RRP12: variants seen among roughly 807,000 people sequenced by gnomAD.
The protein encoded by RRP12 is ribosomal RNA processing 12 homolog.
In RRP12, 78 loss-of-function variants were observed where a neutral mutation model predicts 157.3. That is an observed-to-expected ratio of 0.50 (90% CI 0.41 to 0.60). RRP12 has a LOEUF of 0.60. RRP12 is among the 20% of genes least tolerant of loss of function. The pLI, the probability that RRP12 is intolerant of heterozygous loss-of-function variation, is 0.00. For missense variants in RRP12, 1,521 were observed against 1,679.9 expected, an observed-to-expected ratio of 0.91 and a Z score of 1.65; for synonymous variants, 726 against 670.9, an observed-to-expected ratio of 1.08 and a Z score of -1.27.
chr10:97,391,003 G>A (rs1473708692), intron 4 of RRP12, among the ~76,000 whole-genome samples, 159 bp from the exon 5 acceptor site: 1 of 152,140 alleles, frequency 6.6e-6, no homozygotes, highest in African/African-American at 2.4e-5. Context: ...TTATCAGCCA[G>A]CTCAGTGTGC....
intron 31 of RRP12, 98 bp downstream of exon 31, chr10:97,360,448 T>G: frequency 1.0e-6 from 1 of 952,404 alleles, no homozygotes; most frequent in Non-Finnish European, 1.7e-6. Flanking sequence ...AACCAGGCTG[T>G]GCACCCTCAT....
chr10:97,401,151 G>C lies in RRP12; in HGVS notation c.81C>G (p.Asn27Lys). ...RWKKGHSSDS[N>K]PAICRHRQAA... ...CCTGACGGTGGCGGCAGATGGCGGG[G>C]TTGCTGTCGCTGCTGTGGCCTTTCT... The change falls in exon 1 of 34, where the codon AAC becomes AAG. Residue 27 changes from asparagine to lysine, a missense_variant. Physicochemically the swap from Asn to Lys is moderately conservative, Grantham distance 94. Transcript: ENST00000370992. 1.9e-6 allele frequency: 3 copies of C among 1,614,134 alleles called. No individual in the cohort carries two copies. The highest frequency in any genetic ancestry group is 2.5e-6 in the Non-Finnish European group (3 of 1,180,024).
chr10:97,390,641 C>T (rs1844777433), intron 5 of RRP12, 98 bp downstream of exon 5: 11 of 1,335,156 alleles, frequency 8.2e-6, no homozygotes, highest in Non-Finnish European at 1.1e-5. Context: ...TCTGAGGTCC[C>T]CAGGGTGCCT....
intron 33 of RRP12, 146 bp from the exon 34 acceptor site, chr10:97,357,342 A>C: frequency 1.8e-6 from 1 of 561,126 alleles, no homozygotes; most frequent in Non-Finnish European, 3.2e-6. Context: ...GGCAGACCTC[A>C]CGTGGTTCCA....
chr10:97,364,494 G>A (rs1006406363), intron 29 of RRP12, among the ~76,000 whole-genome samples: 3 of 152,200 alleles, frequency 2.0e-5, no homozygotes, highest in African/African-American at 4.8e-5. Context: ...CGAGGAGGGA[G>A]GATCACCTGA....
chr10:97,395,899 G>T (rs2133099491), intron 3 of RRP12, among the ~76,000 whole-genome samples: 1 of 150,948 alleles, frequency 6.6e-6, no homozygotes, highest in African/African-American at 2.4e-5. Context: ...AGTGGCTCAT[G>T]CCTGTAATCC....
chr10:97,370,739 ACTC>A lies in RRP12; in HGVS notation c.2557_2559del (p.Glu853del). 1.2e-6 allele frequency: 2 copies of A among 1,613,888 alleles called. No homozygotes were observed. Among genetic ancestry groups the A allele is most frequent in the Non-Finnish European group, 1.7e-6 (2 of 1,179,930 alleles). ...ACCTCTGGGATGAGGGCAGTGATGAACTCCTTGTGTTCAGCTGAGAGCTTCCTC... is the reference window on the plus strand; with the variant it reads ...ACCTCTGGGATGAGGGCAGTGATGAACTTGTGTTCAGCTGAGAGCTTCCTC... On this transcript the variant is annotated inframe_deletion, in exon 22 of 34. Coordinates refer to ENST00000370992, the MANE Select transcript of RRP12 (RefSeq NM_015179.4).
intron 4 of RRP12, chr10:97,393,464 C>A: frequency 1.5e-6 from 1 of 684,870 alleles, no homozygotes; most frequent in Non-Finnish European, 2.7e-6. Context: ...GTAAATGATT[C>A]TATTACCAGG....
chr10:97,373,673 A>G lies in RRP12; in HGVS notation c.1928T>C (p.Leu643Pro). ...PTDVAISFKG[L>P]ARTLGMAISE... is the part of the protein sequence containing the mutation. Reference sequence around the variant, plus strand: ...GATGGCCATGCCCAGCGTCCGTGCCAGCCCTTTGAAGGAGATGGCCACATC... The same window carrying G: ...GATGGCCATGCCCAGCGTCCGTGCCGGCCCTTTGAAGGAGATGGCCACATC... Residue 643 changes from leucine to proline, a missense_variant, in exon 17 of 34, where the codon CTG (leucine) becomes CCG (proline). By Grantham distance (98) the Leu-to-Pro change is moderately conservative (BLOSUM62 -3). Coordinates refer to ENST00000370992, the MANE Select transcript of RRP12 (RefSeq NM_015179.4). The G allele has an allele frequency of 1.2e-6, 2 of 1,613,986 alleles. No individual in the cohort carries two copies. Among genetic ancestry groups the G allele is most frequent in the African/African-American group, 1.3e-5 (1 of 75,076 alleles).
intron 12 of RRP12, 119 bp downstream of exon 12, chr10:97,381,267 C>T (rs936000782): frequency 1.6e-5 from 12 of 745,942 alleles, no homozygotes; most frequent in Middle Eastern, 2.4e-4. Flanking sequence ...CCTGCAATCC[C>T]GTAAAGCACT....
intron 29 of RRP12, among the ~76,000 whole-genome samples, chr10:97,365,120 C>T (rs80294754): frequency 1.3e-5 from 2 of 152,058 alleles, no homozygotes; most frequent in Non-Finnish European, 2.9e-5. Context: ...TAAGGAGAGG[C>T]TGACCGAGCG....
At position 97,373,132 on chromosome 10, in the gene RRP12, G is replaced by T. The variant is rs1320207396; in HGVS notation, c.2095C>A (p.Gln699Lys). Reference protein sequence around the residue: ...FLPILFNLYGQPVAAGDTPAP... With the variant: ...FLPILFNLYGKPVAAGDTPAP... Reference sequence around the variant, plus strand: ...GGAGTGTCCCCGGCTGCCACGGGCTGCCCATACAGGTTGAAGAGGATCGGC... The same window carrying T: ...GGAGTGTCCCCGGCTGCCACGGGCTTCCCATACAGGTTGAAGAGGATCGGC... Residue 699 changes from glutamine (Q) to lysine (K), a missense_variant, in exon 18 of 34, where the codon CAG becomes AAG. Physicochemically the swap from Gln to Lys is moderately conservative, Grantham distance 53 (BLOSUM62 1). Transcript: ENST00000370992. 2 of 1,614,050 alleles carry T rather than the reference G, an allele frequency of 1.2e-6. No homozygotes were observed. The highest frequency in any genetic ancestry group is 2.7e-5 in the African/African-American group (2 of 74,932).
At position 97,379,686 on chromosome 10, in the gene RRP12, T is replaced by A. The variant is rs1025555497; in HGVS notation, c.1618A>T (p.Thr540Ser). ...AGCACCACCTCAGGTCCCATACTGGTCACCGCAGCCCCCACTGCCTGGTCA... is the reference window on the plus strand; with the variant it reads ...AGCACCACCTCAGGTCCCATACTGGACACCGCAGCCCCCACTGCCTGGTCA... ...ALDQAVGAAV[T>S]SMGPEVVLQA... The change falls in exon 14 of 34, where the codon ACC becomes TCC. Residue 540 changes from threonine to serine, a missense_variant. Physicochemically the swap from Thr to Ser is moderately conservative, Grantham distance 58. Transcript: ENST00000370992. The A allele has an allele frequency of 6.2e-7, 1 of 1,613,812 alleles. No individual in the cohort carries two copies. The highest frequency in any genetic ancestry group is 8.5e-7 in the Non-Finnish European group (1 of 1,179,992).
At chr10:97,393,213 T>G in intron 4 of RRP12, 2 of 445,222 alleles carry the variant, frequency 4.5e-6, no homozygotes, top group South Asian at 3.2e-5. Flanking sequence ...CTGACTCTGC[T>G]TTTGCCTTCA....
chr10:97,385,895 C>A lies in RRP12; in HGVS notation c.1116G>T (p.Thr372=). Residue 372 remains threonine, a splice_region_variant and synonymous_variant, in exon 9 of 34, where the codon ACG becomes ACT. Transcript: ENST00000370992. ...LSAELNAQII[T]ALYDYVPSEN... ...CCCACATCCCACCAACAGGCCTCAC[C>A]GTGATGATCTGGGCGTTGAGCTCTG... 6.3e-7 allele frequency: 1 copy of A among 1,598,192 alleles called. No homozygotes were observed. The highest frequency in any genetic ancestry group is 2.3e-5 in the East Asian group (1 of 44,318).
At chr10:97,379,183 A>G (rs1844391951) in intron 15 of RRP12, 110 bp downstream of exon 15, 1 of 1,300,586 alleles carries the variant, frequency 7.7e-7, no homozygotes, top group African/African-American at 1.5e-5. Context: ...ATGTTGCCAA[A>G]CGTCTTGAAG....
chr10:97,369,566 A>G lies in RRP12; in HGVS notation c.2814T>C (p.Ser938=), dbSNP rs909824761. ...LFEFKGLMGT[S]TVEQLLENVC... is the part of the protein sequence containing the mutation. ...CATTCTCCAGCAGCTGCTCCACTGT[A>G]CTGGTCCCCATCAGACCTGTGGCAG... Residue 938 remains serine, a synonymous_variant, in exon 25 of 34, where the codon AGT becomes AGC. Transcript: ENST00000370992. 1 of 1,566,896 alleles carries G rather than the reference A, an allele frequency of 6.4e-7. No homozygotes were observed. The highest frequency in any genetic ancestry group is 8.7e-7 in the Non-Finnish European group (1 of 1,155,504).
Position 97,367,036 on chromosome 10 carries a change from C to T in RRP12, c.3047+5G>A. On this transcript the variant is annotated splice_donor_5th_base_variant and intron_variant, in intron 26 of 33. Coordinates refer to ENST00000370992, the MANE Select transcript of RRP12 (RefSeq NM_015179.4). ...CCTACCCCCGCCCCTGCTCAGTGCA[C>T]AGACCCAAACTTGCGGATGAACTTG... 1.2e-6 allele frequency: 2 copies of T among 1,614,106 alleles called. No individual in the cohort carries two copies. The highest frequency in any genetic ancestry group is 1.7e-6 in the Non-Finnish European group (2 of 1,179,958).
rs139868499 is a variant in RRP12 at position 97,396,925 on chromosome 10, C to G, written c.370-624G>C. 3.5e-3 allele frequency among the ~76,000 whole-genome samples: 523 copies of G among 151,478 alleles called. 13 individuals carry two copies. Among genetic ancestry groups the G allele is most frequent in the Admixed American group, 0.031 (470 of 15,206 alleles). ...GATTACAGGTGTGCACCACCATGCC[C>G]AGCTAATTTCTGTATTTTTAGTAGA... On this transcript the variant is annotated intron_variant, in intron 2 of 33. Transcript: ENST00000370992.
Sources: gnomAD v4.1 joint callset for allele counts (sites outside exome capture counted in the v4.1 genomes callset) on GRCh38, gnomAD v4.1.1 for gene constraint, MANE v1.5 for transcripts, NCBI Gene and HGNC (gene_info 2026-07-23, HGNC 2026-07-21) for gene names.